The following ATXN1 variants were observed in gnomAD, a reference collection of about 807,000 sequenced individuals.
ATXN1 encodes the protein ataxin-1.
A neutral mutation model predicts 56.4 loss-of-function variants in ATXN1; 8 were observed. The observed-to-expected ratio is 0.14, with a 90% CI of 0.08 to 0.26. The LOEUF (loss-of-function observed/expected upper bound fraction) is 0.26. ATXN1 is among the 10% of genes least tolerant of loss of function. ATXN1 has a pLI of 1.00. For missense variants in ATXN1, 987 were observed against 1,106.5 expected, an observed-to-expected ratio of 0.89 and a Z score of 1.53; for synonymous variants, 514 against 494.6, an observed-to-expected ratio of 1.04 and a Z score of -0.52.
chr6:16,387,384 C>T (rs868062818), intron 6 of ATXN1, among the ~76,000 whole-genome samples: 1 of 152,224 alleles, frequency 6.6e-6, no homozygotes, highest in South Asian at 2.1e-4. Flanking sequence ...ACATGAACTT[C>T]TTCACTGAAA....
At position 16,431,934 on chromosome 6, in the gene ATXN1, G is replaced by C. The variant is rs149636473; in HGVS notation, c.-161+54038C>G. 3.3e-5 allele frequency among the ~76,000 whole-genome samples: 5 copies of C among 152,280 alleles called. No individual in the cohort carries two copies. In the East Asian group the frequency reaches 5.8e-4, roughly 18 times the overall value. On this transcript the variant is annotated intron_variant, in intron 6 of 7. Coordinates refer to ENST00000436367, the MANE Select transcript of ATXN1 (RefSeq NM_001128164.2). Reference sequence around the variant, plus strand: ...GCCTGCTTTTCTGATGAGAGATCGCGGGGGAGCCAAAGGCAGTTTGCAAAA... The same window carrying C: ...GCCTGCTTTTCTGATGAGAGATCGCCGGGGAGCCAAAGGCAGTTTGCAAAA...
chr6:16,432,412 T>G (rs11969151), intron 6 of ATXN1, among the ~76,000 whole-genome samples: 2 of 152,212 alleles, frequency 1.3e-5, no homozygotes, highest in Non-Finnish European at 2.9e-5. Context: ...AGAACCTCTA[T>G]ACTAAATGTC....
At chr6:16,405,891 C>CG (rs1758676455) in intron 6 of ATXN1, among the ~76,000 whole-genome samples, 1 of 151,896 alleles carries the variant, frequency 6.6e-6, no homozygotes, top group Non-Finnish European at 1.5e-5. Context: ...GGTGCTGGAA[C>CG]GGGGGCTGGG....
chr6:16,403,864 A>G (rs1758631248), intron 6 of ATXN1, among the ~76,000 whole-genome samples: 1 of 152,162 alleles, frequency 6.6e-6, no homozygotes. Context: ...GCTTAAAGAC[A>G]ATAACATACT....
chr6:16,562,550 A>T (rs965256747), intron 4 of ATXN1, among the ~76,000 whole-genome samples: 1 of 151,748 alleles, frequency 6.6e-6, no homozygotes, highest in Non-Finnish European at 1.5e-5. Flanking sequence ...AAGAAAAGAA[A>T]TGAAATGGCT....
At chr6:16,595,644 T>C (rs1325930746) in intron 3 of ATXN1, among the ~76,000 whole-genome samples, 4 of 152,152 alleles carry the variant, frequency 2.6e-5, no homozygotes, top group Non-Finnish European at 1.5e-5. Context: ...ACTGGTTAAC[T>C]ACAAAAAGCA....
chr6:16,543,632 T>TAAAAA (rs566914364), intron 4 of ATXN1, among the ~76,000 whole-genome samples: 15 of 106,350 alleles, frequency 1.4e-4, no homozygotes, highest in East Asian at 8.2e-4. Flanking sequence ...GCTATTTTCC[T>TAAAAA]AAAAAAAAAA....
chr6:16,587,015 T>TC (rs1762638815), intron 3 of ATXN1, among the ~76,000 whole-genome samples: 2 of 145,842 alleles, frequency 1.4e-5, no homozygotes, highest in South Asian at 4.3e-4. Context: ...AGACTCTGTC[T>TC]CAAAAAAAAA....
At chr6:16,315,076 G>A (rs1462683523) in intron 7 of ATXN1, among the ~76,000 whole-genome samples, 2 of 152,058 alleles carry the variant, frequency 1.3e-5, no homozygotes, top group Non-Finnish European at 2.9e-5. Flanking sequence ...GAACATACAC[G>A]CAAAACGGGT....
chr6:16,619,035 T>C (rs1197682464), intron 3 of ATXN1, among the ~76,000 whole-genome samples: 1 of 151,492 alleles, frequency 6.6e-6, no homozygotes, highest in Non-Finnish European at 1.5e-5. Context: ...ATAAGGAAAA[T>C]ATCCACCCTC....
At chr6:16,507,887 A>G (rs934757385) in intron 5 of ATXN1, among the ~76,000 whole-genome samples, 1 of 152,348 alleles carries the variant, frequency 6.6e-6, no homozygotes, top group Admixed American at 6.5e-5. Context: ...CATTTTAAAG[A>G]TTACTTTTAA....
chr6:16,376,815 C>T (rs1762149766), intron 6 of ATXN1, among the ~76,000 whole-genome samples: 1 of 151,932 alleles, frequency 6.6e-6, no homozygotes, highest in Admixed American at 6.6e-5. Context: ...ACTTTTTGGA[C>T]TCAAAAAAAC....
chr6:16,425,645 G>C (rs980890083), intron 6 of ATXN1, among the ~76,000 whole-genome samples: 2 of 152,112 alleles, frequency 1.3e-5, no homozygotes, highest in African/African-American at 4.8e-5. Flanking sequence ...CAAAGAGATG[G>C]GAAGATTTCC....
chr6:16,675,463 G>A (rs536985449), intron 2 of ATXN1, among the ~76,000 whole-genome samples: 6 of 152,244 alleles, frequency 3.9e-5, no homozygotes, highest in African/African-American at 1.4e-4. Flanking sequence ...AAATTAAAAC[G>A]AAGGGTGGAG....
chr6:16,579,293 G>C (rs1762480189), intron 4 of ATXN1, among the ~76,000 whole-genome samples: 1 of 152,138 alleles, frequency 6.6e-6, no homozygotes, highest in African/African-American at 2.4e-5. Context: ...CCACTAAAAT[G>C]CACGGGGAAA....
intron 6 of ATXN1, among the ~76,000 whole-genome samples, chr6:16,454,144 A>AC (rs1561902119): frequency 6.7e-6 from 1 of 150,276 alleles, no homozygotes; most frequent in African/African-American, 2.4e-5. Context: ...AAAAAAAAAA[A>AC]AAAAAAAAAA....
intron 3 of ATXN1, among the ~76,000 whole-genome samples, chr6:16,625,476 G>A (rs1359090790): frequency 6.6e-6 from 1 of 152,096 alleles, no homozygotes; most frequent in Non-Finnish European, 1.5e-5. Context: ...GTGTGACCAT[G>A]GTGTTCCTGC....
chr6:16,666,228 T>C (rs1758421429), intron 2 of ATXN1, among the ~76,000 whole-genome samples: 1 of 152,230 alleles, frequency 6.6e-6, no homozygotes, highest in Admixed American at 6.5e-5. Flanking sequence ...TGAGTGAGAA[T>C]ATGTGATATT....
chr6:16,370,992 T>C (rs1762029136), intron 6 of ATXN1, among the ~76,000 whole-genome samples: 1 of 152,168 alleles, frequency 6.6e-6, no homozygotes, highest in Non-Finnish European at 1.5e-5. Flanking sequence ...TGGGATGTCG[T>C]GGTGGCTAAG....
Sources: gnomAD v4.1 joint callset for allele counts (sites outside exome capture counted in the v4.1 genomes callset) on GRCh38, gnomAD v4.1.1 for gene constraint, MANE v1.5 for transcripts, NCBI Gene and HGNC (gene_info 2026-07-23, HGNC 2026-07-21) for gene names.